The following ASPRV1 variants were observed in gnomAD, a reference collection of about 807,000 sequenced individuals.
The protein encoded by ASPRV1 is retroviral-like aspartic protease 1.
Under a neutral mutation model 11.0 loss-of-function variants are expected in ASPRV1, and 7 were observed. The ratio of observed to expected loss-of-function variants is 0.64; its 90% CI spans 0.36 to 1.20. The LOEUF is 1.20. Among genes scored for constraint, ASPRV1 ranks in the 50% most tolerant of loss-of-function variants. The pLI is 0.02. For synonymous variants in ASPRV1, 136 were observed against 138.4 expected, an observed-to-expected ratio of 0.98 and a Z score of 0.12; for missense variants, 299 against 320.0, an observed-to-expected ratio of 0.93 and a Z score of 0.50.
the ASPRV1 span, chr2:70,069,320 A>C: frequency 6.6e-6 from 1 of 152,248 alleles, no homozygotes; most frequent in Admixed American, 6.5e-5. Flanking sequence ...AAATCCAAAG[A>C]TCAACAGAGC....
At chr2:69,965,773 A>G (rs1458520545), upstream of ASPRV1, among the ~76,000 whole-genome samples, 2 of 152,152 alleles carry the variant, frequency 1.3e-5, no homozygotes, top group Admixed American at 1.3e-4. Context: ...GCACACGGGC[A>G]GGACAGCTTG....
chr2:69,996,195 T>C, the ASPRV1 span, among the ~76,000 whole-genome samples: 22 of 110,530 alleles, frequency 2.0e-4, no homozygotes, highest in Admixed American at 1.2e-3. Context: ...CTGGGCAATA[T>C]AGGGAGACCC....
At chr2:69,983,276 G>C in the ASPRV1 span, among the ~76,000 whole-genome samples, 2 of 152,214 alleles carry the variant, frequency 1.3e-5, no homozygotes, top group African/African-American at 4.8e-5. Flanking sequence ...GGATGCTCAA[G>C]TTCTAGTGGC....
chr2:70,029,515 T>C, the ASPRV1 span, among the ~76,000 whole-genome samples: 1 of 152,108 alleles, frequency 6.6e-6, no homozygotes, highest in Non-Finnish European at 1.5e-5. Flanking sequence ...GGTGCGCACC[T>C]GCAGTCCCAG....
At chr2:69,956,810 T>C (rs1169120263), downstream of ASPRV1, among the ~76,000 whole-genome samples, 1 of 152,212 alleles carries the variant, frequency 6.6e-6, no homozygotes, top group African/African-American at 2.4e-5. Context: ...CCTGATACGA[T>C]GTACTGAGGA....
the ASPRV1 span, among the ~76,000 whole-genome samples, chr2:70,077,774 G>C: frequency 6.6e-6 from 1 of 151,984 alleles, no homozygotes; most frequent in East Asian, 1.9e-4. Context: ...AGAATCACTT[G>C]AATACGGGAG....
chr2:69,956,103 G>A (rs956332936), downstream of ASPRV1, among the ~76,000 whole-genome samples: 1 of 152,146 alleles, frequency 6.6e-6, no homozygotes, highest in African/African-American at 2.4e-5. Context: ...TGATGATGGG[G>A]ACACGTCCCA....
At chr2:69,932,903 T>G in the ASPRV1 span, among the ~76,000 whole-genome samples, 1 of 152,178 alleles carries the variant, frequency 6.6e-6, no homozygotes, top group African/African-American at 2.4e-5. Flanking sequence ...TTTTAATTTT[T>G]GAACTTTTTC....
the ASPRV1 span, among the ~76,000 whole-genome samples, chr2:70,022,715 T>C: frequency 6.6e-6 from 1 of 151,968 alleles, no homozygotes; most frequent in African/African-American, 2.4e-5. Context: ...AAGCAAATTT[T>C]TGGAGGTAAT....
the ASPRV1 span, among the ~76,000 whole-genome samples, chr2:70,054,386 G>C: frequency 6.6e-6 from 1 of 151,302 alleles, no homozygotes; most frequent in Non-Finnish European, 1.5e-5. Flanking sequence ...AGGAGATCAA[G>C]ACCACGGTGA....
the ASPRV1 span, among the ~76,000 whole-genome samples, chr2:70,032,897 C>G: frequency 6.6e-6 from 1 of 152,060 alleles, no homozygotes; most frequent in Admixed American, 6.6e-5. Context: ...CCTTTGGAGT[C>G]TGAATAGAGA....
the ASPRV1 span, among the ~76,000 whole-genome samples, chr2:70,067,373 T>C: frequency 1.4e-3 from 210 of 152,306 alleles, 1 homozygote; most frequent in Admixed American, 4.6e-3. Context: ...TTGTAAGCAA[T>C]TGGATAATCT....
the ASPRV1 span, among the ~76,000 whole-genome samples, chr2:69,968,202 C>T: frequency 1.3e-5 from 2 of 152,210 alleles, no homozygotes; most frequent in African/African-American, 2.4e-5. Context: ...AAAATAAAGT[C>T]TATTAAAATT....
chr2:69,953,326 C>T, the ASPRV1 span, among the ~76,000 whole-genome samples: 1 of 152,228 alleles, frequency 6.6e-6, no homozygotes, highest in African/African-American at 2.4e-5. Context: ...GGATAACTGG[C>T]ACCCACACAC....
the ASPRV1 span, among the ~76,000 whole-genome samples, chr2:70,079,275 C>T: frequency 6.6e-6 from 1 of 151,978 alleles, no homozygotes; most frequent in Non-Finnish European, 1.5e-5. Flanking sequence ...TTGATCGAAT[C>T]CAGCCTCAGC....
the ASPRV1 span, among the ~76,000 whole-genome samples, chr2:70,022,965 T>C: frequency 2.0e-5 from 3 of 152,132 alleles, no homozygotes; most frequent in Non-Finnish European, 4.4e-5. Flanking sequence ...TAGGCCCAGT[T>C]TCCAACACAC....
upstream of ASPRV1, chr2:69,961,815 C>T: frequency 9.4e-7 from 1 of 1,061,972 alleles, no homozygotes; most frequent in Non-Finnish European, 1.4e-6. Context: ...GCCCACATCC[C>T]AAGAAAGGCC....
the ASPRV1 span, among the ~76,000 whole-genome samples, chr2:70,029,266 C>T: frequency 5.3e-5 from 8 of 152,250 alleles, no homozygotes; most frequent in East Asian, 7.7e-4. Context: ...ATGCTAAAGA[C>T]ATATAAGTGA....
the ASPRV1 span, among the ~76,000 whole-genome samples, chr2:69,969,589 C>G: frequency 6.6e-6 from 1 of 152,144 alleles, no homozygotes; most frequent in Non-Finnish European, 1.5e-5. Context: ...GCCATTCCCC[C>G]TCATTCCACA....
Sources: allele counts gnomAD v4.1 joint callset (sites outside exome capture counted in the v4.1 genomes callset), GRCh38; gene constraint gnomAD v4.1.1; transcripts MANE v1.5; gene names NCBI Gene and HGNC (gene_info 2026-07-23, HGNC 2026-07-21).